The following SLC27A6 variants were observed in gnomAD, a reference collection of about 807,000 sequenced individuals.
SLC27A6 encodes solute carrier family 27 member 6, also known as long-chain fatty acid transport protein 6.
A neutral mutation model predicts 63.9 loss-of-function variants in SLC27A6; 74 were observed. That is an observed-to-expected ratio of 1.16 (90% CI 0.96 to 1.40). The LOEUF (loss-of-function observed/expected upper bound fraction) is 1.40, where lower values mean the gene tolerates loss of function less well. Among genes scored for constraint, SLC27A6 ranks in the 40% most tolerant of loss-of-function variants. The pLI, the probability that SLC27A6 is intolerant of heterozygous loss-of-function variation, is 0.00. For missense variants in SLC27A6, 794 were observed against 732.9 expected (o/e 1.08, Z -0.96); for synonymous variants, 287 against 260.8 (o/e 1.10, Z -0.97).
At chr5:129,003,519 T>G (rs531506994) in intron 4 of SLC27A6, among the ~76,000 whole-genome samples, 4 of 152,184 alleles carry the variant, frequency 2.6e-5, no homozygotes, top group African/African-American at 9.6e-5. Context: ...TCAGGAAAAA[T>G]GAACAAGAAG....
intron 9 of SLC27A6, 68 bp downstream of exon 9, chr5:129,029,775 A>G: frequency 7.5e-7 from 1 of 1,341,160 alleles, no homozygotes; most frequent in Non-Finnish European, 1.0e-6. Context: ...TAATTGCAAA[A>G]TAATATTGTA....
chr5:129,000,583 G>A (rs189193079), intron 4 of SLC27A6, among the ~76,000 whole-genome samples: 50 of 152,214 alleles, frequency 3.3e-4, no homozygotes, highest in South Asian at 4.1e-4. Flanking sequence ...AGTTTCTATC[G>A]TTGCAGGCAG....
Position 128,985,170 on chromosome 5 carries a change from C to T in SLC27A6, c.519C>T (p.Leu173=), listed in dbSNP as rs1222408859. 2 of 1,613,982 alleles carry T rather than the reference C, an allele frequency of 1.2e-6. No individual in the cohort carries two copies. The highest frequency in any genetic ancestry group is 1.7e-6 in the Non-Finnish European group (2 of 1,179,978). The part of the protein sequence containing the change: ...LGTVEEILPS[L]SENISVWGMK... ...CGGTAGAAGAAATCCTTCCAAGCCT[C>T]TCAGAAAATATCAGTGTTTGGGGGA... The change falls in exon 2 of 10, where the codon CTC becomes CTT. Residue 173 remains leucine (L), a synonymous_variant. Transcript: ENST00000262462.
intron 4 of SLC27A6, among the ~76,000 whole-genome samples, chr5:128,996,180 A>G (rs531961648): frequency 1.3e-5 from 2 of 152,216 alleles, no homozygotes; most frequent in Admixed American, 6.5e-5. Context: ...TATGATGCTT[A>G]TTTTTCAAGC....
At position 129,027,250 on chromosome 5, in the gene SLC27A6, T is replaced by C. The variant is rs748205675; in HGVS notation, c.1373T>C (p.Val458Ala). The C allele has an allele frequency of 1.9e-6, 3 of 1,613,290 alleles. No homozygotes were observed. Among genetic ancestry groups the C allele is most frequent in the Non-Finnish European group, 2.5e-6 (3 of 1,179,370 alleles). ...TGTGATGTTTTTAAGAAGGGAGATG[T>C]TTACCTTAATACTGGAGACTTAATA... ...LLCDVFKKGD[V>A]YLNTGDLIVQ... Residue 458 changes from valine to alanine, a missense_variant, in exon 7 of 10, where the codon GTT (valine) becomes GCT (alanine). Coordinates refer to ENST00000262462, the MANE Select transcript of SLC27A6 (RefSeq NM_001017372.3).
At chr5:128,991,884 T>C (rs1750994125) in intron 4 of SLC27A6, among the ~76,000 whole-genome samples, 1 of 151,970 alleles carries the variant, frequency 6.6e-6, no homozygotes, top group Admixed American at 6.6e-5. Flanking sequence ...TTTTTTGCCC[T>C]CAGAAGTTAT....
At chr5:129,010,533 T>G (rs1751695091) in intron 4 of SLC27A6, among the ~76,000 whole-genome samples, 1 of 152,152 alleles carries the variant, frequency 6.6e-6, no homozygotes, top group African/African-American at 2.4e-5. Flanking sequence ...ATAGGGGAAG[T>G]TGGAGATTTG....
rs1749852168 is a variant in SLC27A6 at position 128,965,601 on chromosome 5, T to C, written c.-537T>C. On this transcript the variant is annotated 5_prime_UTR_variant, in exon 1 of 10. Coordinates refer to ENST00000262462, the MANE Select transcript of SLC27A6 (RefSeq NM_001017372.3). ...TCTCAGTCATCATCATCCCAGCTTT[T>C]CCCGGCTCGAATTCAGCCTCCAACT... 1 of 152,600 alleles carries C rather than the reference T, an allele frequency of 6.6e-6. No individual in the cohort carries two copies. The highest frequency in any genetic ancestry group is 1.5e-5 in the Non-Finnish European group (1 of 68,376). 9.5% of individuals were successfully genotyped at this position (152,600 alleles called of 1,614,324 possible).
Position 128,995,691 on chromosome 5 carries a change from C to T in SLC27A6, c.969+5227C>T, listed in dbSNP as rs1221539678. 3.9e-5 allele frequency among the ~76,000 whole-genome samples: 6 copies of T among 152,248 alleles called. No individual in the cohort carries two copies. The East Asian group carries it at 7.7e-4, about 20-fold the overall frequency. ...AAGAAACTCAAAAGGAAGAGCCCCA[C>T]AGAAAACACCACCTGAATGTTTGAA... On this transcript the variant is annotated intron_variant, in intron 4 of 9. Transcript: ENST00000262462.
At chr5:128,970,544 G>C (rs78814810) in intron 1 of SLC27A6, among the ~76,000 whole-genome samples, 28 of 152,092 alleles carry the variant, frequency 1.8e-4, no homozygotes, top group Non-Finnish European at 1.8e-4. Context: ...GTTTATTTGC[G>C]TAGAGGTGTT....
Position 128,966,453 on chromosome 5 carries a change from G to T in SLC27A6, c.316G>T (p.Asp106Tyr), listed in dbSNP as rs376879906. 4 of 1,607,126 alleles carry T rather than the reference G, an allele frequency of 2.5e-6. No individual in the cohort carries two copies. In the African/African-American group the frequency reaches 4.0e-5, roughly 16 times the overall value. Residue 106 changes from aspartate (D) to tyrosine (Y), a missense_variant, in exon 1 of 10, where the codon GAC becomes TAC. Transcript: ENST00000262462. ...FLNHSSLKKG[D>Y]TVALLMSNEP... ...GAACCATTCCTCTCTGAAAAAGGGGGACACGGTGGCTCTGCTGATGAGCAA... is the reference window on the plus strand; with the variant it reads ...GAACCATTCCTCTCTGAAAAAGGGGTACACGGTGGCTCTGCTGATGAGCAA...
chr5:129,022,194 C>A (rs1752096083), intron 5 of SLC27A6, among the ~76,000 whole-genome samples: 1 of 152,126 alleles, frequency 6.6e-6, no homozygotes, highest in Admixed American at 6.6e-5. Context: ...TCTAGAATAA[C>A]AATATATTTG....
chr5:129,006,521 T>G (rs1169252418), intron 4 of SLC27A6, among the ~76,000 whole-genome samples: 1 of 151,580 alleles, frequency 6.6e-6, no homozygotes, highest in Non-Finnish European at 1.5e-5. Flanking sequence ...ATATAACTTT[T>G]GGGCTTTCTA....
At chr5:128,971,618 G>A (rs9687974) in intron 1 of SLC27A6, among the ~76,000 whole-genome samples, 90,120 of 150,788 alleles carry the variant, frequency 0.6, 27,368 homozygotes, top group Non-Finnish European at 0.66. Flanking sequence ...TGGTTGGTCG[G>A]TCTTCCTGCA....
At chr5:129,004,358 C>G (rs1467715578) in intron 4 of SLC27A6, among the ~76,000 whole-genome samples, 1 of 152,166 alleles carries the variant, frequency 6.6e-6, no homozygotes. Flanking sequence ...CTGGCTCTGT[C>G]TCTCACCTTT....
intron 4 of SLC27A6, among the ~76,000 whole-genome samples, chr5:128,999,440 A>T (rs17767297): frequency 0.13 from 19,183 of 151,922 alleles, 1,945 homozygotes; most frequent in East Asian, 0.51. Flanking sequence ...TTTACTCTTT[A>T]CGCTATATTG....
intron 4 of SLC27A6, among the ~76,000 whole-genome samples, chr5:129,007,486 T>C (rs1751583844): frequency 7.0e-6 from 1 of 143,038 alleles, no homozygotes; most frequent in Non-Finnish European, 1.6e-5. Context: ...AAAATAAAAA[T>C]CAAATTAAAA....
chr5:128,966,491 C>A lies in SLC27A6; in HGVS notation c.354C>A (p.Phe118Leu). The change falls in exon 1 of 10, where the codon TTC (phenylalanine) becomes TTA (leucine). Residue 118 changes from phenylalanine to leucine, a missense_variant. By Grantham distance (22) the Phe-to-Leu change is conservative (BLOSUM62 0). Transcript: ENST00000262462. ...VALLMSNEPD[F>L]VHVWFGLAKL... ...TGCTGATGAGCAATGAGCCGGACTTCGTTCACGTGTGGTTCGGCCTCGCCA... is the reference window on the plus strand; with the variant it reads ...TGCTGATGAGCAATGAGCCGGACTTAGTTCACGTGTGGTTCGGCCTCGCCA... 1 of 1,609,170 alleles carries A rather than the reference C, an allele frequency of 6.2e-7. No individual in the cohort carries two copies. Among genetic ancestry groups the A allele is most frequent in the Non-Finnish European group, 8.5e-7 (1 of 1,177,988 alleles).
chr5:129,010,849 CTTTCA>C (rs1174747401), intron 4 of SLC27A6, among the ~76,000 whole-genome samples: 1 of 152,130 alleles, frequency 6.6e-6, no homozygotes, highest in Non-Finnish European at 1.5e-5. Context: ...CCAGTCAACA[CTTTCA>C]TTTCAGTTTT....
Sources: allele counts gnomAD v4.1 joint callset (sites outside exome capture counted in the v4.1 genomes callset), GRCh38; gene constraint gnomAD v4.1.1; transcripts MANE v1.5; gene names NCBI Gene and HGNC (gene_info 2026-07-23, HGNC 2026-07-21).